Variants in MAP3K20 observed in about 807,000 individuals in gnomAD.
The protein encoded by MAP3K20 is HCCS-4.
MAP3K20 carries 40 observed loss-of-function variants against 85.7 expected under a neutral mutation model. That is an observed-to-expected ratio of 0.47 (90% CI 0.36 to 0.61). The LOEUF (loss-of-function observed/expected upper bound fraction) is 0.61, where lower values mean the gene tolerates loss of function less well. Among genes scored for constraint, MAP3K20 ranks in the 20% least tolerant of loss-of-function variants. MAP3K20 has a pLI of 0.00. For synonymous variants in MAP3K20, 325 were observed against 327.7 expected, an observed-to-expected ratio of 0.99 and a Z score of 0.09; for missense variants, 817 against 961.7, an observed-to-expected ratio of 0.85 and a Z score of 1.99.
intron 2 of MAP3K20, among the ~76,000 whole-genome samples, chr2:173,159,398 CCTT>C (rs149911621): frequency 0.2 from 24,510 of 124,208 alleles, 2,288 homozygotes; most frequent in South Asian, 0.38. Context: ...TTCCTTCCTT[CCTT>C]CTTTTTTTTT....
intron 2 of MAP3K20, among the ~76,000 whole-genome samples, chr2:173,150,307 T>A (rs537162078): frequency 1.3e-5 from 2 of 152,208 alleles, no homozygotes; most frequent in Non-Finnish European, 2.9e-5. Flanking sequence ...TCTCAGTATA[T>A]CTTGGTCTTT....
At chr2:173,098,049 T>C (rs1190053484) in intron 2 of MAP3K20, among the ~76,000 whole-genome samples, 1 of 152,210 alleles carries the variant, frequency 6.6e-6, no homozygotes, top group South Asian at 2.1e-4. Flanking sequence ...TTTTAAATAT[T>C]TCCCCCTGAC....
At position 173,229,727 on chromosome 2, in the gene MAP3K20, C is replaced by T. The variant is rs80047496; in HGVS notation, c.1026C>T (p.Asp342=). ...PSFEIGAWTE[D]DVYCWVQQLV... ...TTGAGATTGGTGCATGGACGGAAGA[C>T]GATGTGGTAAGCTCTTTGTATTCAT... is the stretch of plus-strand genomic sequence containing the variant. The change falls in exon 12 of 20, where the codon GAC becomes GAT. Residue 342 remains aspartate (D), a synonymous_variant. Transcript: ENST00000375213. The T allele has an allele frequency of 1.9e-5, 31 of 1,613,946 alleles. No individual in the cohort carries two copies. The East Asian group carries it at 4.9e-4, about 26-fold the overall frequency.
chr2:173,240,784 G>A (rs1168621674), intron 16 of MAP3K20, among the ~76,000 whole-genome samples: 1 of 152,146 alleles, frequency 6.6e-6, no homozygotes, highest in Non-Finnish European at 1.5e-5. Flanking sequence ...CAAAAGAATG[G>A]AAATCAATAT....
intron 3 of MAP3K20, among the ~76,000 whole-genome samples, chr2:173,178,292 A>C (rs190971230): frequency 6.6e-6 from 1 of 152,194 alleles, no homozygotes; most frequent in Non-Finnish European, 1.5e-5. Context: ...GCAGTGAACA[A>C]TTGTCTTAAA....
chr2:173,266,197 G>T lies in MAP3K20; in HGVS notation c.1850G>T (p.Arg617Leu), dbSNP rs771908220. The T allele has an allele frequency of 3.1e-6, 5 of 1,613,992 alleles. No homozygotes were observed. Among genetic ancestry groups the T allele is most frequent in the Non-Finnish European group, 4.2e-6 (5 of 1,179,996 alleles). ...GATTCCTACGCTGCTGCTGTGAGAC[G>T]GCCCCAGGTGCCCATTAAGTATCAA... is the stretch of plus-strand genomic sequence containing the variant. Reference protein sequence around the residue: ...GQDSYAAAVRRPQVPIKYQQI... With the variant: ...GQDSYAAAVRLPQVPIKYQQI... Residue 617 changes from arginine to leucine, a missense_variant, in exon 20 of 20, where the codon CGG (arginine) becomes CTG (leucine). Physicochemically the swap from Arg to Leu is moderately radical, Grantham distance 102. Coordinates refer to ENST00000375213, the MANE Select transcript of MAP3K20 (RefSeq NM_016653.3).
chr2:173,096,845 G>T (rs1036251134), intron 2 of MAP3K20, among the ~76,000 whole-genome samples: 2 of 152,152 alleles, frequency 1.3e-5, no homozygotes, highest in Admixed American at 6.5e-5. Flanking sequence ...GTTTGCAATA[G>T]GAGAAAATCA....
intron 2 of MAP3K20, among the ~76,000 whole-genome samples, chr2:173,150,565 T>TA (rs1455824090): frequency 2.6e-5 from 4 of 152,160 alleles, no homozygotes; most frequent in African/African-American, 9.7e-5. Context: ...TGCATATCCT[T>TA]AAAAAAATTT....
chr2:173,152,828 A>G (rs1233142855), intron 2 of MAP3K20, among the ~76,000 whole-genome samples: 1 of 151,456 alleles, frequency 6.6e-6, no homozygotes, highest in Non-Finnish European at 1.5e-5. Context: ...ATAGTTTCCT[A>G]CTTTAGGAGA....
chr2:173,124,324 TG>T (rs148139371), intron 2 of MAP3K20, among the ~76,000 whole-genome samples: 4,314 of 152,144 alleles, frequency 0.028, 189 homozygotes, highest in African/African-American at 0.098. Flanking sequence ...CTAAAGTATA[TG>T]GGGATAGCAA....
chr2:173,128,258 T>C (rs1688500922), intron 2 of MAP3K20, among the ~76,000 whole-genome samples: 2 of 152,202 alleles, frequency 1.3e-5, no homozygotes, highest in South Asian at 4.1e-4. Flanking sequence ...GATTTGAGTT[T>C]ATGCATCTGT....
chr2:173,189,429 TCTTCAGAAC>T (rs1218285992), intron 5 of MAP3K20, among the ~76,000 whole-genome samples: 1 of 152,158 alleles, frequency 6.6e-6, no homozygotes, highest in Non-Finnish European at 1.5e-5. Flanking sequence ...CTGAAACAGT[TCTTCAGAAC>T]TTTATCCTTG....
At chr2:173,111,726 T>C (rs1171661737) in intron 2 of MAP3K20, among the ~76,000 whole-genome samples, 6 of 152,174 alleles carry the variant, frequency 3.9e-5, no homozygotes, top group Admixed American at 3.9e-4. Flanking sequence ...TGACGATCAG[T>C]TGGCTGTAAG....
Position 173,191,152 on chromosome 2 carries a change from C to T in MAP3K20, c.557C>T (p.Thr186Ile). Reference sequence around the variant, plus strand: ...ATCCAGAGTCTCCCTGTGTCAGAAACTTGTGACACATATTCCTATGGTGTG... The same window carrying T: ...ATCCAGAGTCTCCCTGTGTCAGAAATTTGTGACACATATTCCTATGGTGTG... Reference protein sequence around the residue: ...EVIQSLPVSETCDTYSYGVVL... With the variant: ...EVIQSLPVSEICDTYSYGVVL... The change falls in exon 7 of 20, where the codon ACT becomes ATT. Residue 186 changes from threonine (T) to isoleucine (I), a missense_variant. By Grantham distance (89) the Thr-to-Ile change is moderately conservative (BLOSUM62 -1). Transcript: ENST00000375213. 1 of 1,613,982 alleles carries T rather than the reference C, an allele frequency of 6.2e-7. No individual in the cohort carries two copies.
intron 10 of MAP3K20, among the ~76,000 whole-genome samples, chr2:173,215,021 G>A (rs1322206300): frequency 6.6e-6 from 1 of 152,202 alleles, no homozygotes; most frequent in Non-Finnish European, 1.5e-5. Context: ...TTGTTTCTGT[G>A]TCACAGCTTT....
chr2:173,090,735 A>C (rs550703450), intron 1 of MAP3K20: 2 of 1,051,194 alleles, frequency 1.9e-6, no homozygotes, highest in Admixed American at 1.1e-4. Context: ...GTGCTGCTGC[A>C]GGTTTTGTCT....
intron 2 of MAP3K20, among the ~76,000 whole-genome samples, chr2:173,147,796 A>G (rs1407034709): frequency 6.6e-6 from 1 of 152,116 alleles, no homozygotes; most frequent in Non-Finnish European, 1.5e-5. Context: ...CATGTTGGCC[A>G]GGATGGTCTT....
At chr2:173,207,829 C>T (rs1393017797) in intron 9 of MAP3K20, among the ~76,000 whole-genome samples, 2 of 150,952 alleles carry the variant, frequency 1.3e-5, no homozygotes, top group Non-Finnish European at 2.9e-5. Context: ...TATTCTGTAA[C>T]CAGAATACTC....
chr2:173,170,873 T>C (rs944518619), intron 3 of MAP3K20, among the ~76,000 whole-genome samples: 2 of 152,188 alleles, frequency 1.3e-5, no homozygotes, highest in African/African-American at 4.8e-5. Context: ...TCAGGCTGAT[T>C]CTCCACAGAA....
Sources: gnomAD v4.1 joint callset for allele counts (sites outside exome capture counted in the v4.1 genomes callset) on GRCh38, gnomAD v4.1.1 for gene constraint, MANE v1.5 for transcripts, NCBI Gene and HGNC (gene_info 2026-07-23, HGNC 2026-07-21) for gene names.